Variants in ENOX2 observed in about 807,000 individuals in gnomAD.
ENOX2 encodes APK1 antigen.
In ENOX2, 36 loss-of-function variants were observed where a neutral mutation model predicts 45.0. The ratio of observed to expected loss-of-function variants is 0.80; its 90% CI spans 0.61 to 1.06. ENOX2 has a LOEUF of 1.06. Ranked by LOEUF, ENOX2 falls within the 50% of genes least tolerant of loss-of-function variation. ENOX2 has a pLI of 0.00. For missense variants in ENOX2, 423 were observed against 462.5 expected, an observed-to-expected ratio of 0.91 and a Z score of 0.78; for synonymous variants, 174 against 152.3, an observed-to-expected ratio of 1.14 and a Z score of -1.05.
At position 130,901,694 on chromosome X, in the gene ENOX2, CTTT is replaced by C. The variant is rs1353374596; in HGVS notation, c.-196_-194del. On this transcript the variant is annotated 5_prime_UTR_variant, in exon 2 of 15. Coordinates refer to ENST00000394363, the MANE Select transcript of ENOX2 (RefSeq NM_006375.4). ...ACACCTGGAACATACCATCACACTT[CTTT>C]GTGTTCTCCAAGAATTGATCTCAAA... The C allele has an allele frequency of 8.9e-6, 1 of 112,415 alleles. No individual in the cohort carries two copies. The highest frequency in any genetic ancestry group is 1.9e-5 in the Non-Finnish European group (1 of 53,264). The allele number at this position is 112,415 out of a possible 1,213,427, so 9.3% of individuals were successfully genotyped here.
chrX:130,730,350 T>C (rs1178665930), intron 3 of ENOX2, among the ~76,000 whole-genome samples: 1 of 112,493 alleles, frequency 8.9e-6, no homozygotes. Context: ...CAGGAGTTGC[T>C]GTGAACCAAT....
At chrX:130,840,443 T>C (rs190136381) in intron 2 of ENOX2, among the ~76,000 whole-genome samples, 150 of 109,230 alleles carry the variant, frequency 1.4e-3, no homozygotes, top group Non-Finnish European at 2.3e-3. Flanking sequence ...ATAATAATTA[T>C]TAAAAGCTAG....
chrX:130,877,152 T>C (rs2078719956), intron 2 of ENOX2, among the ~76,000 whole-genome samples: 1 of 111,936 alleles, frequency 8.9e-6, no homozygotes, highest in African/African-American at 3.2e-5. Flanking sequence ...AGTACTTACA[T>C]ATTCCCACTA....
intron 2 of ENOX2, among the ~76,000 whole-genome samples, chrX:130,836,172 T>C (rs897097462): frequency 8.9e-6 from 1 of 112,280 alleles, no homozygotes; most frequent in Non-Finnish European, 1.9e-5. Context: ...AAACTGTATA[T>C]GGGTGACTAA....
chrX:130,632,405 CATG>C (rs2035790687), intron 12 of ENOX2, among the ~76,000 whole-genome samples: 1 of 92,399 alleles, frequency 1.1e-5, no homozygotes, highest in South Asian at 6.1e-4. Context: ...AGGTGAAATC[CATG>C]ACCAGCAGTC....
At chrX:130,763,802 T>C (rs899379903) in intron 3 of ENOX2, among the ~76,000 whole-genome samples, 1 of 111,226 alleles carries the variant, frequency 9.0e-6, no homozygotes, top group Non-Finnish European at 1.9e-5. Flanking sequence ...TGTGCCTCAT[T>C]AAAGCTTCAT....
At chrX:130,759,757 A>AT (rs376859312) in intron 3 of ENOX2, among the ~76,000 whole-genome samples, 562 of 105,525 alleles carry the variant, frequency 5.3e-3, no homozygotes, top group Non-Finnish European at 8.6e-3. Flanking sequence ...CTTTATTTTT[A>AT]TTTTTTTTTT....
chrX:130,675,979 T>C (rs1331566880), intron 6 of ENOX2, among the ~76,000 whole-genome samples: 3 of 112,497 alleles, frequency 2.7e-5, no homozygotes, highest in Non-Finnish European at 5.6e-5. Flanking sequence ...AAAACTGTCA[T>C]ACATTCTTTT....
At chrX:130,881,580 G>T (rs2078810793) in intron 2 of ENOX2, among the ~76,000 whole-genome samples, 1 of 111,755 alleles carries the variant, frequency 8.9e-6, no homozygotes, top group African/African-American at 3.3e-5. Flanking sequence ...GAAACACTGT[G>T]ATTATGCATC....
intron 3 of ENOX2, among the ~76,000 whole-genome samples, chrX:130,780,880 C>T (rs950640087): frequency 1.8e-5 from 2 of 110,355 alleles, no homozygotes; most frequent in Admixed American, 1.9e-4. Context: ...GTTACAGGGC[C>T]GAGTGATGCA....
intron 2 of ENOX2, among the ~76,000 whole-genome samples, chrX:130,890,944 T>C (rs751064063): frequency 8.9e-6 from 1 of 112,784 alleles, no homozygotes; most frequent in Non-Finnish European, 1.9e-5. Flanking sequence ...TGGAATTTAG[T>C]CTAGTGATGA....
intron 2 of ENOX2, among the ~76,000 whole-genome samples, chrX:130,845,365 C>A (rs1042255057): frequency 2.7e-5 from 3 of 112,586 alleles, no homozygotes; most frequent in Non-Finnish European, 5.6e-5. Flanking sequence ...ATCAGAAGAA[C>A]CATTATCCTT....
intron 2 of ENOX2, among the ~76,000 whole-genome samples, chrX:130,805,780 C>G (rs970264282): frequency 8.9e-6 from 1 of 111,914 alleles, no homozygotes; most frequent in Non-Finnish European, 1.9e-5. Flanking sequence ...AATGGAGTTA[C>G]TGTCTCCTTT....
At chrX:130,667,855 G>C in intron 7 of ENOX2, 113 bp from the exon 8 acceptor site, 1 of 527,515 alleles carries the variant, frequency 1.9e-6, no homozygotes, top group Middle Eastern at 5.6e-4. Flanking sequence ...TAAATGAATT[G>C]CTGAGGATGA....
chrX:130,656,680 G>GAATT lies in ENOX2; in HGVS notation c.1029_1030insAATT (p.His344AsnfsTer3). 8.9e-7 allele frequency: 1 copy of GAATT among 1,119,755 alleles called. No homozygotes were observed. The highest frequency in any genetic ancestry group is 1.2e-6 in the Non-Finnish European group (1 of 819,150). 92.3% of individuals were successfully genotyped at this position (1,119,755 alleles called of 1,213,427 possible). On this transcript the variant is annotated frameshift_variant, in exon 10 of 15. Transcript: ENST00000394363. LOFTEE classifies it high-confidence loss of function. ...CTGATTCCCATTAATTCATCATTAT[G>GAATT]AATGTTGCGAATTTCCTAAGGTTAA...
intron 2 of ENOX2, among the ~76,000 whole-genome samples, chrX:130,787,191 T>A (rs959364448): frequency 9.8e-5 from 11 of 111,811 alleles, no homozygotes. Flanking sequence ...ACAGAAAAAC[T>A]TTTTATTTTT....
At chrX:130,764,189 T>C (rs2039560926) in intron 3 of ENOX2, among the ~76,000 whole-genome samples, 1 of 111,334 alleles carries the variant, frequency 9.0e-6, no homozygotes, top group African/African-American at 3.3e-5. Context: ...CTTCTTAGGA[T>C]TTTTTAAATA....
chrX:130,650,425 T>C (rs1420092749), intron 10 of ENOX2, among the ~76,000 whole-genome samples: 1 of 111,741 alleles, frequency 8.9e-6, no homozygotes. Flanking sequence ...CTACAAAATA[T>C]ATTTCCCACT....
chrX:130,637,818 G>A (rs767432565), intron 10 of ENOX2, among the ~76,000 whole-genome samples: 1 of 111,739 alleles, frequency 8.9e-6, no homozygotes, highest in East Asian at 2.8e-4. Context: ...CTGCTGCTCT[G>A]TAGCTTTGTA....
Sources: gnomAD v4.1 joint callset for allele counts (sites outside exome capture counted in the v4.1 genomes callset) on GRCh38, gnomAD v4.1.1 for gene constraint, MANE v1.5 for transcripts, NCBI Gene and HGNC (gene_info 2026-07-23, HGNC 2026-07-21) for gene names.